AGMO: variants seen among roughly 807,000 people sequenced by gnomAD.
AGMO encodes alkylglycerol monooxygenase.
AGMO carries 75 observed loss-of-function variants against 60.2 expected under a neutral mutation model. That is an observed-to-expected ratio of 1.25 (90% CI 1.03 to 1.51). The LOEUF is 1.51. Ranked by LOEUF, AGMO falls within the 40% of genes most tolerant of loss-of-function variation. AGMO has a pLI of 0.00. For synonymous variants in AGMO, 261 were observed against 177.1 expected (o/e 1.47, Z -3.76); for missense variants, 763 against 525.5 (o/e 1.45, Z -4.42).
the AGMO span, among the ~76,000 whole-genome samples, chr7:15,136,785 G>A: frequency 6.6e-6 from 1 of 151,876 alleles, no homozygotes; most frequent in African/African-American, 2.4e-5. Context: ...GTATTTAAGA[G>A]TCTCTTGGTT....
Position 15,475,965 on chromosome 7 carries a change from C to T in AGMO, c.410-44857G>A, listed in dbSNP as rs181941905. On this transcript the variant is annotated intron_variant, in intron 3 of 12. Coordinates refer to ENST00000342526, the MANE Select transcript of AGMO (RefSeq NM_001004320.2). The stretch of plus-strand genomic sequence containing the variant: ...GGGTAGAAATGCTTCCAAATCATGA[C>T]GTAATAGAGCATCAGCAATGCATTG... Among the ~76,000 whole-genome samples the T allele has an allele frequency of 2.2e-3, 341 of 152,020 alleles. 1 individual carries two copies. Among genetic ancestry groups the T allele is most frequent in the African/African-American group, 7.7e-3 (321 of 41,494 alleles).
At chr7:15,431,179 G>A (rs1323689906) in intron 3 of AGMO, 71 bp from the exon 4 acceptor site, 2 of 1,070,766 alleles carry the variant, frequency 1.9e-6, no homozygotes, top group East Asian at 2.4e-5. Flanking sequence ...AGTTATGCAT[G>A]CTGCTCTGTT....
At chr7:15,154,502 A>G in the AGMO span, among the ~76,000 whole-genome samples, 2 of 152,160 alleles carry the variant, frequency 1.3e-5, no homozygotes, top group African/African-American at 4.8e-5. Context: ...GTGTCCTTGC[A>G]TCTGAGATAG....
At chr7:15,357,707 G>C (rs1782592295) in intron 12 of AGMO, among the ~76,000 whole-genome samples, 1 of 152,208 alleles carries the variant, frequency 6.6e-6, no homozygotes, top group South Asian at 2.1e-4. Context: ...TATGCGGACA[G>C]AAAACAGTGC....
chr7:15,487,982 C>G (rs1250147820), intron 3 of AGMO, among the ~76,000 whole-genome samples: 1 of 152,090 alleles, frequency 6.6e-6, no homozygotes, highest in East Asian at 1.9e-4. Context: ...CTTAAGTCTT[C>G]AGCAATTTCT....
intron 12 of AGMO, among the ~76,000 whole-genome samples, chr7:15,252,636 C>T (rs1782973506): frequency 6.6e-6 from 1 of 152,108 alleles, no homozygotes; most frequent in African/African-American, 2.4e-5. Context: ...CAGATACGAC[C>T]ACAGCTCTGG....
chr7:15,406,030 T>A lies in AGMO; in HGVS notation c.610-11851A>T, dbSNP rs541761281. Reference sequence around the variant, plus strand: ...CAATCCTTTCACAACAGACATTTTTTAATAAAGATTCATGAAATTTTAGAC... The same window carrying A: ...CAATCCTTTCACAACAGACATTTTTAAATAAAGATTCATGAAATTTTAGAC... On this transcript the variant is annotated intron_variant, in intron 5 of 12. Coordinates refer to ENST00000342526, the MANE Select transcript of AGMO (RefSeq NM_001004320.2). Among the ~76,000 whole-genome samples the A allele has an allele frequency of 2.4e-3, 370 of 151,964 alleles. 2 individuals carry two copies. The Middle Eastern group carries it at 0.031, about 13-fold the overall frequency.
chr7:15,297,168 C>T (rs1287432951), intron 12 of AGMO, among the ~76,000 whole-genome samples: 1 of 152,062 alleles, frequency 6.6e-6, no homozygotes, highest in Non-Finnish European at 1.5e-5. Context: ...CACCAGTAAC[C>T]CTTTCTTAGC....
intron 12 of AGMO, among the ~76,000 whole-genome samples, chr7:15,218,131 A>C (rs1781802036): frequency 1.3e-5 from 2 of 152,152 alleles, no homozygotes; most frequent in Non-Finnish European, 2.9e-5. Context: ...AGATGATAAA[A>C]ATGAAAATGA....
At chr7:15,473,370 A>C (rs1252717768) in intron 3 of AGMO, among the ~76,000 whole-genome samples, 1 of 152,044 alleles carries the variant, frequency 6.6e-6, no homozygotes, top group Non-Finnish European at 1.5e-5. Flanking sequence ...GCAATAGAAG[A>C]AAAGGGACTC....
chr7:15,224,665 T>C (rs897652570), intron 12 of AGMO, among the ~76,000 whole-genome samples: 7 of 152,044 alleles, frequency 4.6e-5, no homozygotes, highest in African/African-American at 1.7e-4. Context: ...TTGCCTCATG[T>C]CCCTGAAACT....
At chr7:15,168,809 C>A in the AGMO span, among the ~76,000 whole-genome samples, 42 of 152,282 alleles carry the variant, frequency 2.8e-4, no homozygotes, top group African/African-American at 8.2e-4. Flanking sequence ...AAGATGCTTT[C>A]AGTGAAACAA....
At chr7:15,446,757 GTTAGATAA>G (rs1033487270) in intron 3 of AGMO, among the ~76,000 whole-genome samples, 3 of 152,188 alleles carry the variant, frequency 2.0e-5, no homozygotes, top group African/African-American at 7.2e-5. Context: ...ATTTTTGGCA[GTTAGATAA>G]TGCCTCGTTT....
the AGMO span, among the ~76,000 whole-genome samples, chr7:15,117,634 T>C: frequency 6.6e-6 from 1 of 151,952 alleles, no homozygotes; most frequent in Admixed American, 6.6e-5. Context: ...ACACCTATAA[T>C]ACCCATGTAA....
chr7:15,517,915 C>A (rs1296812692), intron 3 of AGMO, among the ~76,000 whole-genome samples: 1 of 152,130 alleles, frequency 6.6e-6, no homozygotes, highest in Non-Finnish European at 1.5e-5. Flanking sequence ...AAGCTAAGAT[C>A]CACTGGTTTG....
chr7:15,159,560 A>G, the AGMO span, among the ~76,000 whole-genome samples: 1 of 152,308 alleles, frequency 6.6e-6, no homozygotes, highest in African/African-American at 2.4e-5. Context: ...TTCCTAGGGA[A>G]AACAGGAACT....
At chr7:15,368,242 T>C (rs1042295918) in intron 10 of AGMO, among the ~76,000 whole-genome samples, 10 of 149,336 alleles carry the variant, frequency 6.7e-5, no homozygotes, top group African/African-American at 2.5e-4. Context: ...TATTTTGATA[T>C]GTGAAGGTCG....
intron 12 of AGMO, among the ~76,000 whole-genome samples, chr7:15,364,178 A>C (rs1210575696): frequency 1.3e-5 from 2 of 151,928 alleles, no homozygotes; most frequent in African/African-American, 4.8e-5. Context: ...GAAGTTTTAA[A>C]GGTATCAAAG....
intron 2 of AGMO, among the ~76,000 whole-genome samples, chr7:15,547,631 C>T (rs1054993092): frequency 2.0e-5 from 3 of 152,104 alleles, no homozygotes; most frequent in Non-Finnish European, 2.9e-5. Context: ...CGGCGCACCA[C>T]GAGATTATAT....
Sources: gnomAD v4.1 joint callset for allele counts (sites outside exome capture counted in the v4.1 genomes callset) on GRCh38, gnomAD v4.1.1 for gene constraint, MANE v1.5 for transcripts, NCBI Gene and HGNC (gene_info 2026-07-23, HGNC 2026-07-21) for gene names.